Variants in DOCK9 observed in about 807,000 individuals in gnomAD.
DOCK9 encodes the protein dedicator of cytokinesis protein 9.
In DOCK9, 89 loss-of-function variants were observed where a neutral mutation model predicts 263.3. That is an observed-to-expected ratio of 0.34 (90% confidence interval 0.28 to 0.40). The LOEUF is 0.40. Ranked by LOEUF, DOCK9 falls within the 10% of genes least tolerant of loss-of-function variation. DOCK9 has a pLI of 1.00. For synonymous variants in DOCK9, 976 were observed against 973.1 expected (o/e 1.00, Z -0.06); for missense variants, 2,140 against 2,603.4 (o/e 0.82, Z 3.87).
rs2059775859 is a variant in DOCK9, at chr13:98,971,929, G to A, written c.126+5855C>T. ...CACTGTTGGTTATCACTTATAAACT[G>A]GCCTTTCTCTAACAATTTTCAAGTT... On this transcript the variant is annotated intron_variant, in intron 1 of 52. Coordinates refer to ENST00000682017, the MANE Select transcript of DOCK9 (RefSeq NM_001366683.2). 2.6e-5 allele frequency among the ~76,000 whole-genome samples: 4 copies of A among 152,096 alleles called. No homozygotes were observed. The South Asian group carries it at 8.3e-4, about 32-fold the overall frequency.
chr13:99,070,526 G>A (rs550839706), intron 1 of DOCK9, among the ~76,000 whole-genome samples: 2 of 152,116 alleles, frequency 1.3e-5, no homozygotes, highest in African/African-American at 4.8e-5. Context: ...GGGTTATATG[G>A]TATTTCTTTA....
intron 27 of DOCK9, among the ~76,000 whole-genome samples, chr13:98,877,322 G>A (rs1344292709): frequency 6.6e-6 from 1 of 152,192 alleles, no homozygotes; most frequent in Non-Finnish European, 1.5e-5. Context: ...TTGGCATCTT[G>A]AGAACAAACA....
At chr13:99,056,499 T>C (rs1348919915) in intron 1 of DOCK9, among the ~76,000 whole-genome samples, 1 of 152,198 alleles carries the variant, frequency 6.6e-6, no homozygotes, top group Non-Finnish European at 1.5e-5. Context: ...ATATTATGTC[T>C]GTAATGATTC....
chr13:98,864,928 G>T (rs748272795), intron 30 of DOCK9, among the ~76,000 whole-genome samples: 1 of 152,016 alleles, frequency 6.6e-6, no homozygotes, highest in African/African-American at 2.4e-5. Context: ...TCCCTCTCTC[G>T]CCATGTGACA....
intron 3 of DOCK9, among the ~76,000 whole-genome samples, 185 bp downstream of exon 3, chr13:98,929,982 AG>A (rs1285761128): frequency 6.6e-6 from 1 of 152,248 alleles, no homozygotes; most frequent in Non-Finnish European, 1.5e-5. Flanking sequence ...AAAAAGAAAT[AG>A]CCCCTGTGGA....
In DOCK9 at chr13:98,868,183, G is replaced by A. The variant is rs116278499; in HGVS notation, c.3090+48C>T. On this transcript the variant is annotated intron_variant, in intron 28 of 52. Coordinates refer to ENST00000682017, the MANE Select transcript of DOCK9 (RefSeq NM_001366683.2). Reference sequence around the variant, plus strand: ...CACCCTGCTAGACAGCTGGTAAAAAGCACATCTTTGTCCCATAACTGATAT... The same window carrying A: ...CACCCTGCTAGACAGCTGGTAAAAAACACATCTTTGTCCCATAACTGATAT... The A allele has an allele frequency of 6.2e-4, 996 of 1,605,142 alleles. 6 individuals carry two copies. The African/African-American group carries it at 0.012, about 19-fold the overall frequency.
At chr13:98,918,766 CAGA>C (rs1222287927) in intron 7 of DOCK9, among the ~76,000 whole-genome samples, 1 of 152,174 alleles carries the variant, frequency 6.6e-6, no homozygotes, top group Non-Finnish European at 1.5e-5. Context: ...CAGAAAGCTG[CAGA>C]AGATGTGCTC....
chr13:98,975,465 A>G (rs1304062237), intron 1 of DOCK9, among the ~76,000 whole-genome samples: 1 of 127,416 alleles, frequency 7.8e-6, no homozygotes, highest in Non-Finnish European at 1.6e-5. Context: ...TATATTCTCT[A>G]AACACATACA....
chr13:98,894,283 G>GT (rs1353453688), intron 15 of DOCK9, among the ~76,000 whole-genome samples: 5 of 152,142 alleles, frequency 3.3e-5, no homozygotes. Context: ...AAAAGTGTTA[G>GT]TTTTTTAAAA....
chr13:98,874,510 C>T (rs1182970914), intron 27 of DOCK9, among the ~76,000 whole-genome samples: 7 of 152,164 alleles, frequency 4.6e-5, no homozygotes, highest in South Asian at 2.1e-4. Flanking sequence ...GATATCTAGA[C>T]GTGGAACTGC....
chr13:98,955,495 C>A lies in DOCK9; in HGVS notation c.183G>T (p.Lys61Asn), dbSNP rs1331113388. 2 of 1,600,546 alleles carry A rather than the reference C, an allele frequency of 1.2e-6. No individual in the cohort carries two copies. Among genetic ancestry groups the A allele is most frequent in the Non-Finnish European group, 1.7e-6 (2 of 1,172,690 alleles). The change falls in exon 2 of 53, where the codon AAG becomes AAT. Residue 61 changes from lysine to asparagine, a missense_variant. By Grantham distance (94) the Lys-to-Asn change is moderately conservative. Around this residue, in one of 2 missense-constraint regions of DOCK9, gnomAD observed 1,521 missense variants for 1,741.7 expected, o/e 0.87. Transcript: ENST00000682017. ...GTAAACAGTCGTTCAGGATCTGAGTCTTCTTCTGGACGATGACATTTTCAT... is the reference window on the plus strand; with the variant it reads ...GTAAACAGTCGTTCAGGATCTGAGTATTCTTCTGGACGATGACATTTTCAT... ...LDYENVIVQK[K>N]TQILNDCLRE... is the part of the protein sequence containing the mutation.
chr13:99,070,159 C>G (rs901098153), intron 1 of DOCK9, among the ~76,000 whole-genome samples: 17 of 152,198 alleles, frequency 1.1e-4, no homozygotes, highest in African/African-American at 3.9e-4. Flanking sequence ...TGTGTGCCCT[C>G]ACTTCAGGAA....
chr13:99,038,288 C>CCGCTTTTTTTTTTTTTTT (rs1888110933), intron 1 of DOCK9, among the ~76,000 whole-genome samples: 1 of 86,264 alleles, frequency 1.2e-5, no homozygotes. Flanking sequence ...TTATGCCCCC[C>CCGCTTTTTTTTTTTTTTT]TTTTTTTTTT....
chr13:99,001,698 G>A (rs1359056947), intron 1 of DOCK9, among the ~76,000 whole-genome samples: 2 of 152,232 alleles, frequency 1.3e-5, no homozygotes, highest in Non-Finnish European at 2.9e-5. Context: ...GACACAGCAT[G>A]GAGACATGAA....
chr13:98,816,810 G>A (rs1183226638), intron 45 of DOCK9, among the ~76,000 whole-genome samples: 2 of 151,980 alleles, frequency 1.3e-5, no homozygotes, highest in Non-Finnish European at 2.9e-5. Context: ...GCAAGAGGGT[G>A]AAGGCAGCAC....
intron 38 of DOCK9, among the ~76,000 whole-genome samples, chr13:98,838,826 G>A (rs1030766460): frequency 2.0e-5 from 3 of 152,156 alleles, no homozygotes; most frequent in Admixed American, 2.0e-4. Flanking sequence ...TAATACTCCA[G>A]AGAGGAGGAC....
chr13:98,890,006 T>C (rs1195403644), intron 15 of DOCK9, among the ~76,000 whole-genome samples: 1 of 152,250 alleles, frequency 6.6e-6, no homozygotes, highest in Non-Finnish European at 1.5e-5. Context: ...GCTTATTTCT[T>C]TGTCCTTTAT....
intron 1 of DOCK9, among the ~76,000 whole-genome samples, chr13:98,989,789 T>C (rs773938778): frequency 5.3e-5 from 8 of 152,188 alleles, no homozygotes; most frequent in Non-Finnish European, 8.8e-5. Flanking sequence ...TTAACTGACT[T>C]TTTTAGAAAA....
chr13:98,797,807 C>G (rs887873160), intron 50 of DOCK9, among the ~76,000 whole-genome samples: 37 of 152,340 alleles, frequency 2.4e-4, no homozygotes, highest in African/African-American at 8.9e-4. Context: ...CAGCCCAGGT[C>G]TTCCAAATCC....
Sources: allele counts gnomAD v4.1 joint callset (sites outside exome capture counted in the v4.1 genomes callset), GRCh38; gene constraint gnomAD v4.1.1; regional missense constraint gnomAD v4.1.1; transcripts MANE v1.5; gene names NCBI Gene and HGNC (gene_info 2026-07-23, HGNC 2026-07-21).